The following NRCAM variants were observed in gnomAD, a reference collection of about 807,000 sequenced individuals.
The protein encoded by NRCAM is NgCAM-related cell adhesion molecule.
Under a neutral mutation model 156.5 loss-of-function variants are expected in NRCAM, and 83 were observed. The observed-to-expected ratio is 0.53, with a 90% CI of 0.44 to 0.64. NRCAM has a LOEUF of 0.64. NRCAM is among the 30% of genes least tolerant of loss of function. The pLI, the probability that NRCAM is intolerant of heterozygous loss-of-function variation, is 0.00. For synonymous variants in NRCAM, 538 were observed against 563.9 expected, an observed-to-expected ratio of 0.95 and a Z score of 0.65; for missense variants, 1,417 against 1,597.3, an observed-to-expected ratio of 0.89 and a Z score of 1.92.
intron 2 of NRCAM, among the ~76,000 whole-genome samples, chr7:108,387,668 A>C (rs931960054): frequency 2.0e-5 from 3 of 151,482 alleles, no homozygotes; most frequent in Non-Finnish European, 4.4e-5. Flanking sequence ...GCACCCATTA[A>C]CTCGTCATTT....
intron 1 of NRCAM, among the ~76,000 whole-genome samples, chr7:108,456,000 C>T (rs987219629): frequency 6.6e-6 from 1 of 152,182 alleles, no homozygotes; most frequent in Non-Finnish European, 1.5e-5. Context: ...TGTGCCTTCA[C>T]CCAAGCGCAG....
chr7:108,244,618 A>G (rs2095781953), intron 3 of NRCAM, among the ~76,000 whole-genome samples: 1 of 152,204 alleles, frequency 6.6e-6, no homozygotes, highest in Non-Finnish European at 1.5e-5. Context: ...CACAATCATT[A>G]ATGCACCTCA....
intron 23 of NRCAM, among the ~76,000 whole-genome samples, chr7:108,182,407 G>A (rs965491931): frequency 6.6e-6 from 1 of 152,186 alleles, no homozygotes; most frequent in East Asian, 1.9e-4. Context: ...TTTCATATAG[G>A]AGGGTTCCAT....
At chr7:108,385,684 G>C (rs1419491093) in intron 2 of NRCAM, among the ~76,000 whole-genome samples, 1 of 152,098 alleles carries the variant, frequency 6.6e-6, no homozygotes, top group Non-Finnish European at 1.5e-5. Context: ...GGAATACCAG[G>C]GTAAGGACTG....
rs182735123 is a variant in NRCAM at position 108,216,521 on chromosome 7, C to T, written c.891-6916G>A. The stretch of plus-strand genomic sequence containing the variant: ...CTGAAAAGTGTTTTCCAACTTGGTT[C>T]CATTCTCCCTGTCACTTTCAGGTAC... On this transcript the variant is annotated intron_variant, in intron 11 of 32. Coordinates refer to ENST00000379028, the MANE Select transcript of NRCAM (RefSeq NM_001037132.4). Among the ~76,000 whole-genome samples, 11 of 152,278 alleles carry T rather than the reference C, an allele frequency of 7.2e-5. No individual in the cohort carries two copies. In the East Asian group the frequency reaches 1.9e-3, roughly 27 times the overall value.
chr7:108,152,209 G>A (rs1344014169), intron 32 of NRCAM, among the ~76,000 whole-genome samples: 1 of 152,142 alleles, frequency 6.6e-6, no homozygotes, highest in Non-Finnish European at 1.5e-5. Context: ...TGTTGGAGAA[G>A]GGATGGAGAG....
chr7:108,217,528 T>C (rs2089946804), intron 11 of NRCAM, among the ~76,000 whole-genome samples: 1 of 152,214 alleles, frequency 6.6e-6, no homozygotes, highest in Non-Finnish European at 1.5e-5. Context: ...CAGCTGCCCC[T>C]TCCCCCAGGT....
At chr7:108,306,569 T>C (rs532919310) in intron 3 of NRCAM, among the ~76,000 whole-genome samples, 1 of 152,332 alleles carries the variant, frequency 6.6e-6, no homozygotes, top group East Asian at 1.9e-4. Flanking sequence ...GTTTTTAAAG[T>C]AGTAGTAGAA....
chr7:108,398,580 C>G (rs2099783460), intron 2 of NRCAM, among the ~76,000 whole-genome samples: 1 of 152,126 alleles, frequency 6.6e-6, no homozygotes, highest in Non-Finnish European at 1.5e-5. Flanking sequence ...GATTTCACAC[C>G]CCTATCCCAC....
intron 1 of NRCAM, among the ~76,000 whole-genome samples, chr7:108,401,201 C>T (rs559468827): frequency 1.1e-4 from 16 of 152,256 alleles, no homozygotes; most frequent in African/African-American, 3.6e-4. Flanking sequence ...GATGGCGCCA[C>T]TGCACCAGCC....
At chr7:108,203,380 TG>T in intron 13 of NRCAM, among the ~76,000 whole-genome samples, 1 of 152,170 alleles carries the variant, frequency 6.6e-6, no homozygotes, top group African/African-American at 2.4e-5. Flanking sequence ...GTCCTGGGGA[TG>T]GGGGAAGGGT....
At chr7:108,337,212 G>A (rs1317801922) in intron 2 of NRCAM, among the ~76,000 whole-genome samples, 1 of 150,224 alleles carries the variant, frequency 6.7e-6, no homozygotes, top group Non-Finnish European at 1.5e-5. Context: ...GCAGTGAGCT[G>A]AGACTGTGCC....
chr7:108,436,102 C>T lies in NRCAM; in HGVS notation c.-332+20141G>A, dbSNP rs369078876. Among the ~76,000 whole-genome samples the T allele has an allele frequency of 9.8e-4, 149 of 152,320 alleles. 1 individual carries two copies. In the East Asian group the frequency reaches 0.02, roughly 21 times the overall value. On this transcript the variant is annotated intron_variant, in intron 1 of 32. Transcript: ENST00000379028. ...TGAGCCGAGATGGCGCCACTGCACTCCAGCCTGGGCGACAGAGTGAGACTC... is the reference window on the plus strand; with the variant it reads ...TGAGCCGAGATGGCGCCACTGCACTTCAGCCTGGGCGACAGAGTGAGACTC...
In NRCAM at chr7:108,182,855, A is replaced by T; in HGVS notation, c.2370T>A (p.Asp790Glu). The change falls in exon 23 of 33, where the codon GAT (aspartate) becomes GAA (glutamate). Residue 790 changes from aspartate to glutamate, a missense_variant. Physicochemically the swap from Asp to Glu is conservative, Grantham distance 45. Around this residue, in one of 2 missense-constraint regions of NRCAM, gnomAD observed 1,238 missense variants for 1,336.4 expected, o/e 0.93. Transcript: ENST00000379028. ...CCACAGATGTCCATTCATCATCACC[A>T]TCTTTCTGGCGCCAGCTAACTTTGT... ...LQYKVSWRQK[D>E]GDDEWTSVVV... 1.2e-6 allele frequency: 2 copies of T among 1,614,204 alleles called. No homozygotes were observed. The highest frequency in any genetic ancestry group is 1.7e-6 in the Non-Finnish European group (2 of 1,180,024).
chr7:108,431,537 C>A (rs916542303), intron 1 of NRCAM, among the ~76,000 whole-genome samples: 11 of 152,154 alleles, frequency 7.2e-5, no homozygotes, highest in African/African-American at 2.4e-4. Context: ...AATCCTAGCA[C>A]TTTGGGAGGC....
chr7:108,410,512 C>T (rs1794083882), intron 1 of NRCAM, among the ~76,000 whole-genome samples: 1 of 152,172 alleles, frequency 6.6e-6, no homozygotes, highest in Non-Finnish European at 1.5e-5. Flanking sequence ...AAAAACAGTT[C>T]TGATGCTTGG....
At chr7:108,454,686 T>A (rs1351912125) in intron 1 of NRCAM, among the ~76,000 whole-genome samples, 1 of 152,054 alleles carries the variant, frequency 6.6e-6, no homozygotes, top group Non-Finnish European at 1.5e-5. Flanking sequence ...GCCTCCGAGG[T>A]TTGTATTCAG....
intron 3 of NRCAM, among the ~76,000 whole-genome samples, chr7:108,293,950 A>C (rs1373676419): frequency 6.6e-6 from 1 of 152,084 alleles, no homozygotes; most frequent in African/African-American, 2.4e-5. Flanking sequence ...CTGTTCCTCT[A>C]TACCTTATAC....
chr7:108,358,669 G>A (rs1015510239), intron 2 of NRCAM, among the ~76,000 whole-genome samples: 1 of 152,168 alleles, frequency 6.6e-6, no homozygotes, highest in African/African-American at 2.4e-5. Context: ...AACTGCTGGC[G>A]CTCTGCTGCT....
Sources: gnomAD v4.1 joint callset for allele counts (sites outside exome capture counted in the v4.1 genomes callset) on GRCh38, gnomAD v4.1.1 for gene constraint, gnomAD v4.1.1 regional missense constraint, MANE v1.5 for transcripts, NCBI Gene and HGNC (gene_info 2026-07-23, HGNC 2026-07-21) for gene names.